The following DYNC2H1 variants were observed in gnomAD, a reference collection of about 807,000 sequenced individuals.
The protein encoded by DYNC2H1 is dynein cytoplasmic 2 heavy chain 1, also known as cytoplasmic dynein 2 heavy chain 1.
Under a neutral mutation model 570.0 loss-of-function variants are expected in DYNC2H1, and 410 were observed. That is an observed-to-expected ratio of 0.72 (90% confidence interval 0.66 to 0.78). The LOEUF (loss-of-function observed/expected upper bound fraction) is 0.78, where lower values mean the gene tolerates loss of function less well. Among genes scored for constraint, DYNC2H1 ranks in the 30% least tolerant of loss-of-function variants. The probability of loss-of-function intolerance (pLI) is 0.00; values close to 1 mark genes in which losing one functional copy is unlikely to be tolerated. For missense variants in DYNC2H1, 4,865 were observed against 5,046.4 expected (o/e 0.96, Z 1.09); for synonymous variants, 1,688 against 1,677.6 (o/e 1.01, Z -0.15).
intron 55 of DYNC2H1, 49 bp downstream of exon 55, chr11:103,215,907 A>C (rs1250097874): frequency 6.3e-7 from 1 of 1,579,878 alleles, no homozygotes; most frequent in African/African-American, 1.4e-5. Flanking sequence ...GAGAGCATTT[A>C]TGCCTGATAG....
intron 54 of DYNC2H1, among the ~76,000 whole-genome samples, chr11:103,212,747 A>G (rs1007899324): frequency 3.3e-5 from 5 of 152,074 alleles, no homozygotes; most frequent in Middle Eastern, 3.2e-3. Flanking sequence ...TAATTGACAT[A>G]ATTATCTTAA....
intron 11 of DYNC2H1, among the ~76,000 whole-genome samples, chr11:103,123,987 A>C (rs145170897): frequency 1.0e-3 from 153 of 152,330 alleles, no homozygotes; most frequent in Middle Eastern, 3.4e-3. Flanking sequence ...TTATTTGTAT[A>C]TAGGAAAATT....
At position 103,215,472 on chromosome 11, in the gene DYNC2H1, C is replaced by A. The variant is rs191441178; in HGVS notation, c.8695-249C>A. ...TGTTAGCTGATTTGCACATGTGGAA[C>A]CATTCTCTGCGATGCTTTAAAATTT... On this transcript the variant is annotated intron_variant, in intron 54 of 88. Transcript: ENST00000375735. 7.9e-5 allele frequency among the ~76,000 whole-genome samples: 12 copies of A among 152,214 alleles called. No individual in the cohort carries two copies. The East Asian group carries it at 2.1e-3, about 27-fold the overall frequency.
At chr11:103,303,050 T>A in intron 75 of DYNC2H1, 43 bp from the exon 76 acceptor site, 1 of 1,326,724 alleles carries the variant, frequency 7.5e-7, no homozygotes, top group Non-Finnish European at 9.9e-7. Context: ...TTTTTAATAA[T>A]GCATACTGCT....
intron 17 of DYNC2H1, among the ~76,000 whole-genome samples, chr11:103,142,178 C>T (rs769587289): frequency 6.6e-5 from 10 of 152,270 alleles, no homozygotes; most frequent in South Asian, 2.1e-4. Context: ...GGCAATGCCT[C>T]GCCCTGCTTC....
chr11:103,147,731 A>T, intron 18 of DYNC2H1, 41 bp from the exon 19 acceptor site: 3 of 1,212,490 alleles, frequency 2.5e-6, no homozygotes, highest in Non-Finnish European at 3.6e-6. Context: ...TCCTCTAATT[A>T]GTCTTTTCCA....
In DYNC2H1 at chr11:103,147,861, T is replaced by C; in HGVS notation, c.2792T>C (p.Val931Ala). 6.2e-7 allele frequency: 1 copy of C among 1,611,082 alleles called. No homozygotes were observed. Among genetic ancestry groups the C allele is most frequent in the Non-Finnish European group, 8.5e-7 (1 of 1,178,712 alleles). ...DLIQKLFDLL[V>A]LSLKKSIQAH... ...ATCCAGAAGTTATTTGATCTGCTTG[T>C]TCTTTCTTTGAAGAAGTCCATACAG... Residue 931 changes from valine (V) to alanine (A), a missense_variant, in exon 19 of 89, where the codon GTT becomes GCT. Coordinates refer to ENST00000375735, the MANE Select transcript of DYNC2H1 (RefSeq NM_001377.3).
intron 83 of DYNC2H1, 124 bp downstream of exon 83, chr11:103,358,483 G>A: frequency 3.2e-6 from 2 of 619,556 alleles, no homozygotes; most frequent in Non-Finnish European, 5.7e-6. Flanking sequence ...GTGAAGTCAT[G>A]GCCCATGACC....
intron 79 of DYNC2H1, among the ~76,000 whole-genome samples, chr11:103,312,490 C>T (rs1206583885): frequency 1.4e-4 from 19 of 134,912 alleles, no homozygotes; most frequent in African/African-American, 5.2e-4. Context: ...TGCAGTGAGC[C>T]GAGATCACGC....
At chr11:103,192,699 A>G (rs1862366380) in intron 47 of DYNC2H1, among the ~76,000 whole-genome samples, 1 of 152,132 alleles carries the variant, frequency 6.6e-6, no homozygotes, top group African/African-American at 2.4e-5. Context: ...ATCTTCATCT[A>G]TTGTTATTGT....
intron 83 of DYNC2H1, among the ~76,000 whole-genome samples, chr11:103,364,163 C>T (rs1362371616): frequency 6.6e-6 from 1 of 152,122 alleles, no homozygotes; most frequent in East Asian, 1.9e-4. Flanking sequence ...GAATCTAATG[C>T]AGTACCTACA....
chr11:103,390,126 G>C (rs1232878035), intron 83 of DYNC2H1, among the ~76,000 whole-genome samples: 2 of 152,132 alleles, frequency 1.3e-5, no homozygotes, highest in African/African-American at 4.8e-5. Context: ...TATTGTGTGG[G>C]AGTCTAAGTC....
chr11:103,397,047 A>C (rs912790624), intron 83 of DYNC2H1, among the ~76,000 whole-genome samples: 1 of 152,198 alleles, frequency 6.6e-6, no homozygotes, highest in Admixed American at 6.5e-5. Flanking sequence ...TAAGTACTTT[A>C]AAAGTGTGGA....
intron 85 of DYNC2H1, among the ~76,000 whole-genome samples, chr11:103,454,035 G>A (rs1358286403): frequency 6.6e-6 from 1 of 152,004 alleles, no homozygotes; most frequent in African/African-American, 2.4e-5. Context: ...TTCATTGGTA[G>A]AGGAACATAG....
intron 77 of DYNC2H1, 139 bp from the exon 78 acceptor site, chr11:103,307,582 G>A (rs113027182): frequency 1.7e-4 from 84 of 498,234 alleles, no homozygotes; most frequent in African/African-American, 1.1e-3. Flanking sequence ...AAAATTTAAA[G>A]GAAATATAAC....
chr11:103,188,398 T>A, intron 43 of DYNC2H1, 99 bp from the exon 44 acceptor site: 1 of 859,958 alleles, frequency 1.2e-6, no homozygotes, highest in Non-Finnish European at 1.7e-6. Context: ...TAGATGATGA[T>A]TGCATTTAGA....
Position 103,370,119 on chromosome 11 carries a change from A to T in DYNC2H1, c.12156+11760A>T, listed in dbSNP as rs553786915. 2.0e-5 allele frequency among the ~76,000 whole-genome samples: 3 copies of T among 152,358 alleles called. No individual in the cohort carries two copies. In the South Asian group the frequency reaches 6.2e-4, roughly 32 times the overall value. The stretch of plus-strand genomic sequence containing the variant: ...AAGGGTGAGTCCCAGGTCAGGCAGC[A>T]TTCACTACAAGTGGACTGAAGAACC... On this transcript the variant is annotated intron_variant, in intron 83 of 88. Transcript: ENST00000375735.
chr11:103,155,760 T>TA (rs1860789778), intron 25 of DYNC2H1, among the ~76,000 whole-genome samples: 1 of 152,134 alleles, frequency 6.6e-6, no homozygotes, highest in Non-Finnish European at 1.5e-5. Flanking sequence ...AGCTCTCAGG[T>TA]AAAAGTAAAA....
At chr11:103,283,236 A>G (rs780087528) in intron 73 of DYNC2H1, among the ~76,000 whole-genome samples, 151 bp downstream of exon 73, 3 of 152,168 alleles carry the variant, frequency 2.0e-5, no homozygotes, top group African/African-American at 4.8e-5. Flanking sequence ...AATTATTGTA[A>G]TTAGTCCTTT....
Sources: gnomAD v4.1 joint callset for allele counts (sites outside exome capture counted in the v4.1 genomes callset) on GRCh38, gnomAD v4.1.1 for gene constraint, MANE v1.5 for transcripts, NCBI Gene and HGNC (gene_info 2026-07-23, HGNC 2026-07-21) for gene names.